The following CDH10 variants were observed in gnomAD, a reference collection of about 807,000 sequenced individuals.
CDH10 encodes cadherin 10, also known as cadherin-10.
Under a neutral mutation model 73.1 loss-of-function variants are expected in CDH10, and 30 were observed. The observed-to-expected ratio is 0.41, with a 90% confidence interval of 0.31 to 0.56. CDH10 has a LOEUF of 0.56. Ranked by LOEUF, CDH10 falls within the 20% of genes least tolerant of loss-of-function variation. The pLI is 0.27. For synonymous variants in CDH10, 345 were observed against 348.2 expected (o/e 0.99, Z 0.10); for missense variants, 815 against 973.7 (o/e 0.84, Z 2.17).
At chr5:24,563,627 G>A (rs1183302055) in intron 2 of CDH10, among the ~76,000 whole-genome samples, 1 of 134,000 alleles carries the variant, frequency 7.5e-6, no homozygotes. Context: ...ATTAGCCGGC[G>A]TGGTGGCCGG....
intron 2 of CDH10, among the ~76,000 whole-genome samples, chr5:24,558,439 T>C (rs1454464252): frequency 6.6e-6 from 1 of 151,706 alleles, no homozygotes; most frequent in Non-Finnish European, 1.5e-5. Context: ...TAAATAATAG[T>C]AACTATTCAA....
At position 24,500,251 on chromosome 5, in the gene CDH10, C is replaced by A. The variant is rs1464703874; in HGVS notation, c.1394-1732G>T. On this transcript the variant is annotated intron_variant, in intron 8 of 11. Transcript: ENST00000264463. ...TGTTACTCCAATATTAAAATCAGCA[C>A]TTTAAAAAATGATATATAAGAACAG... 2.0e-5 allele frequency among the ~76,000 whole-genome samples: 3 copies of A among 152,252 alleles called. No individual in the cohort carries two copies. In the East Asian group the frequency reaches 5.8e-4, roughly 29 times the overall value.
At chr5:24,502,949 G>A (rs1742549655) in intron 8 of CDH10, among the ~76,000 whole-genome samples, 1 of 152,096 alleles carries the variant, frequency 6.6e-6, no homozygotes, top group Admixed American at 6.6e-5. Flanking sequence ...GCTTTTATAT[G>A]CCATATATAG....
chr5:24,585,488 T>A (rs1031161508), intron 2 of CDH10, among the ~76,000 whole-genome samples: 1 of 152,124 alleles, frequency 6.6e-6, no homozygotes, highest in Non-Finnish European at 1.5e-5. Context: ...AGTAGCGCAA[T>A]CTCGGCTCAC....
intron 5 of CDH10, among the ~76,000 whole-genome samples, chr5:24,517,133 A>C (rs1026364932): frequency 2.0e-5 from 3 of 152,150 alleles, no homozygotes; most frequent in African/African-American, 4.8e-5. Context: ...CAGCAAAAGA[A>C]AAAATTCTCT....
chr5:24,621,922 A>G (rs1441816367), intron 1 of CDH10, among the ~76,000 whole-genome samples: 9 of 152,232 alleles, frequency 5.9e-5, no homozygotes, highest in Admixed American at 5.9e-4. Flanking sequence ...ATGTTATATG[A>G]CCAGCCTAAA....
At chr5:24,551,927 C>T (rs1169169527) in intron 2 of CDH10, among the ~76,000 whole-genome samples, 1 of 151,986 alleles carries the variant, frequency 6.6e-6, no homozygotes, top group Non-Finnish European at 1.5e-5. Context: ...GGTTCTTGGT[C>T]TTTATGACAT....
chr5:24,640,392 G>T (rs532607749), intron 1 of CDH10, among the ~76,000 whole-genome samples: 138 of 151,770 alleles, frequency 9.1e-4, no homozygotes, highest in African/African-American at 3.3e-3. Context: ...GTCATTTATT[G>T]CTGAATTTCC....
At chr5:24,605,630 T>C (rs1041233710) in intron 1 of CDH10, among the ~76,000 whole-genome samples, 1 of 152,198 alleles carries the variant, frequency 6.6e-6, no homozygotes, top group Admixed American at 6.5e-5. Context: ...ATGCAAAATA[T>C]CATAGACACT....
At chr5:24,497,441 A>G (rs899201105) in intron 9 of CDH10, among the ~76,000 whole-genome samples, 4 of 152,150 alleles carry the variant, frequency 2.6e-5, no homozygotes, top group African/African-American at 9.7e-5. Context: ...ATTCCAAATT[A>G]AACATTTCCA....
chr5:24,513,601 T>C (rs988208815), intron 5 of CDH10, among the ~76,000 whole-genome samples: 3 of 152,176 alleles, frequency 2.0e-5, no homozygotes, highest in Non-Finnish European at 2.9e-5. Context: ...ACTACAGGCA[T>C]ATACATACGC....
At chr5:24,612,916 A>T (rs1167418559) in intron 1 of CDH10, 2 of 152,152 alleles carry the variant, frequency 1.3e-5, no homozygotes, top group East Asian at 3.9e-4. Context: ...TTAAAAGATG[A>T]CTAGACTTCT....
intron 6 of CDH10, 104 bp from the exon 7 acceptor site, chr5:24,509,923 T>C (rs1742838409): frequency 4.0e-6 from 3 of 757,752 alleles, no homozygotes; most frequent in Middle Eastern, 4.0e-4. Flanking sequence ...TTCTCTTACA[T>C]AGTTCATTAA....
chr5:24,621,557 T>A (rs936870461), intron 1 of CDH10, among the ~76,000 whole-genome samples: 1 of 152,174 alleles, frequency 6.6e-6, no homozygotes, highest in African/African-American at 2.4e-5. Context: ...TAATAAATGT[T>A]CAGAAAACAC....
chr5:24,548,036 C>G (rs552119596), intron 2 of CDH10, among the ~76,000 whole-genome samples: 1 of 152,308 alleles, frequency 6.6e-6, no homozygotes, highest in Admixed American at 6.5e-5. Context: ...GGAAGGGCAG[C>G]AGATTCAAAA....
At chr5:24,557,461 A>G (rs1387177648) in intron 2 of CDH10, among the ~76,000 whole-genome samples, 1 of 151,800 alleles carries the variant, frequency 6.6e-6, no homozygotes, top group East Asian at 1.9e-4. Flanking sequence ...AAAAAACTCA[A>G]TACATTTACA....
chr5:24,597,282 A>G (rs192340422), intron 1 of CDH10, among the ~76,000 whole-genome samples: 173 of 152,236 alleles, frequency 1.1e-3, no homozygotes, highest in African/African-American at 4.1e-3. Context: ...TGTGGGGCAT[A>G]AGATGCAACA....
chr5:24,537,322 T>A, intron 3 of CDH10, 58 bp downstream of exon 3: 2 of 1,125,040 alleles, frequency 1.8e-6, no homozygotes, highest in East Asian at 2.4e-5. Context: ...ATTATAAGAA[T>A]TTCTTGATTT....
intron 1 of CDH10, among the ~76,000 whole-genome samples, chr5:24,622,580 T>C (rs1438125763): frequency 1.3e-5 from 2 of 152,098 alleles, no homozygotes. Flanking sequence ...GTTTTGACAG[T>C]GATAATCATG....
Sources: allele counts gnomAD v4.1 joint callset (sites outside exome capture counted in the v4.1 genomes callset), GRCh38; gene constraint gnomAD v4.1.1; transcripts MANE v1.5; gene names NCBI Gene and HGNC (gene_info 2026-07-23, HGNC 2026-07-21).